Variants in PDGFC observed in about 807,000 individuals in gnomAD.
PDGFC encodes platelet-derived growth factor C.
A neutral mutation model predicts 35.5 loss-of-function variants in PDGFC; 12 were observed. The observed-to-expected ratio is 0.34, with a 90% CI of 0.22 to 0.55. The LOEUF (loss-of-function observed/expected upper bound fraction) is 0.55, where lower values mean the gene tolerates loss of function less well. Among genes scored for constraint, PDGFC ranks in the 20% least tolerant of loss-of-function variants. The probability of loss-of-function intolerance (pLI) is 0.91; values close to 1 mark genes in which losing one functional copy is unlikely to be tolerated. For missense variants in PDGFC, 322 were observed against 412.4 expected, an observed-to-expected ratio of 0.78 and a Z score of 1.90; for synonymous variants, 159 against 148.8, an observed-to-expected ratio of 1.07 and a Z score of -0.50.
At chr4:156,911,109 T>G (rs1342379468) in intron 1 of PDGFC, among the ~76,000 whole-genome samples, 1 of 152,154 alleles carries the variant, frequency 6.6e-6, no homozygotes. Flanking sequence ...ATCTAAGTAC[T>G]GTTTGCCTAA....
At chr4:156,849,284 T>TC (rs1729396451) in intron 2 of PDGFC, among the ~76,000 whole-genome samples, 1 of 151,958 alleles carries the variant, frequency 6.6e-6, no homozygotes, top group South Asian at 2.1e-4. Context: ...AAATGCACAG[T>TC]CACAGAAAGA....
chr4:156,913,606 C>G (rs1178367445), intron 1 of PDGFC, among the ~76,000 whole-genome samples: 1 of 152,206 alleles, frequency 6.6e-6, no homozygotes, highest in African/African-American at 2.4e-5. Context: ...CGCGCCAAAT[C>G]TGTCTCCTGA....
At chr4:156,810,591 CAG>C (rs1412054944) in intron 3 of PDGFC, among the ~76,000 whole-genome samples, 2 of 151,940 alleles carry the variant, frequency 1.3e-5, no homozygotes, top group Admixed American at 6.6e-5. Flanking sequence ...AGCAATCAAA[CAG>C]GGAAATTTCT....
At chr4:156,917,538 C>T (rs1731181442) in intron 1 of PDGFC, among the ~76,000 whole-genome samples, 1 of 152,178 alleles carries the variant, frequency 6.6e-6, no homozygotes, top group South Asian at 2.1e-4. Flanking sequence ...AAATAATCCC[C>T]ACGTGGAACT....
intron 1 of PDGFC, among the ~76,000 whole-genome samples, chr4:156,854,206 T>A (rs1206873300): frequency 1.3e-5 from 2 of 152,148 alleles, no homozygotes; most frequent in African/African-American, 2.4e-5. Context: ...AAACCTAGCA[T>A]CTACCCTATT....
intron 2 of PDGFC, among the ~76,000 whole-genome samples, chr4:156,816,658 C>G (rs1182550392): frequency 6.6e-6 from 1 of 152,126 alleles, no homozygotes; most frequent in African/African-American, 2.4e-5. Flanking sequence ...CAAGGTCACA[C>G]CAGCAACTAA....
intron 3 of PDGFC, among the ~76,000 whole-genome samples, chr4:156,777,766 C>T (rs1730866525): frequency 6.6e-6 from 1 of 152,172 alleles, no homozygotes; most frequent in South Asian, 2.1e-4. Flanking sequence ...GATAATATTA[C>T]ACCATGTCTG....
chr4:156,926,735 G>A (rs1284444316), intron 1 of PDGFC, among the ~76,000 whole-genome samples: 3 of 152,176 alleles, frequency 2.0e-5, no homozygotes, highest in Admixed American at 6.5e-5. Flanking sequence ...CTCCCTCCTG[G>A]CTGACTTTGT....
At chr4:156,856,181 A>G (rs1370079101) in intron 1 of PDGFC, among the ~76,000 whole-genome samples, 1 of 152,140 alleles carries the variant, frequency 6.6e-6, no homozygotes, top group African/African-American at 2.4e-5. Flanking sequence ...TTCCAATTAC[A>G]CAAATAAATA....
chr4:156,954,809 G>A (rs114585825), intron 1 of PDGFC, among the ~76,000 whole-genome samples: 598 of 152,030 alleles, frequency 3.9e-3, no homozygotes, highest in Non-Finnish European at 6.2e-3. Context: ...TGTGAAATAA[G>A]GCATATGACT....
At chr4:156,805,433 C>T (rs892531788) in intron 3 of PDGFC, among the ~76,000 whole-genome samples, 2 of 151,714 alleles carry the variant, frequency 1.3e-5, no homozygotes, top group Non-Finnish European at 2.9e-5. Flanking sequence ...AAATAAATGT[C>T]GACTTATTAG....
intron 1 of PDGFC, among the ~76,000 whole-genome samples, chr4:156,955,167 A>C (rs182799664): frequency 6.6e-6 from 1 of 152,088 alleles, no homozygotes; most frequent in East Asian, 1.9e-4. Context: ...TTGAACACGC[A>C]GCATGAAGGA....
chr4:156,765,199 T>G (rs944870558), intron 5 of PDGFC, among the ~76,000 whole-genome samples: 3 of 152,168 alleles, frequency 2.0e-5, no homozygotes, highest in Non-Finnish European at 2.9e-5. Context: ...TTTTAATTCA[T>G]TTTGAAAGTT....
chr4:156,850,463 T>G (rs370125807), intron 1 of PDGFC, 47 bp from the exon 2 acceptor site: 1 of 1,113,738 alleles, frequency 9.0e-7, no homozygotes, highest in African/African-American at 1.6e-5. Context: ...ATTTCAAAAA[T>G]TATAGGTATC....
intron 1 of PDGFC, among the ~76,000 whole-genome samples, chr4:156,875,562 T>C (rs1248706799): frequency 1.3e-5 from 2 of 152,016 alleles, no homozygotes; most frequent in Non-Finnish European, 2.9e-5. Flanking sequence ...ATGAAAAAAA[T>C]GCTGCAGCAC....
chr4:156,851,452 C>G (rs2111085366), intron 1 of PDGFC, among the ~76,000 whole-genome samples: 1 of 152,228 alleles, frequency 6.6e-6, no homozygotes, highest in Non-Finnish European at 1.5e-5. Flanking sequence ...TATCTCTCCT[C>G]CTTTTTATTA....
intron 3 of PDGFC, among the ~76,000 whole-genome samples, chr4:156,805,685 T>C (rs1731737613): frequency 6.6e-6 from 1 of 152,030 alleles, no homozygotes; most frequent in African/African-American, 2.4e-5. Context: ...AAAGCAAATT[T>C]GGCTTTCAGT....
intron 2 of PDGFC, among the ~76,000 whole-genome samples, chr4:156,843,675 T>G (rs1411450942): frequency 1.3e-5 from 2 of 152,180 alleles, no homozygotes; most frequent in African/African-American, 2.4e-5. Context: ...TGAACAAGAC[T>G]GAAATTGTGA....
chr4:156,863,458 C>T (rs1203708713), intron 1 of PDGFC, among the ~76,000 whole-genome samples: 2 of 152,028 alleles, frequency 1.3e-5, no homozygotes, highest in East Asian at 1.9e-4. Context: ...TCTTTGTTTT[C>T]GTAAACTTGG....
Sources: gnomAD v4.1 joint callset for allele counts (sites outside exome capture counted in the v4.1 genomes callset) on GRCh38, gnomAD v4.1.1 for gene constraint, MANE v1.5 for transcripts, NCBI Gene and HGNC (gene_info 2026-07-23, HGNC 2026-07-21) for gene names.